The following UNC13C variants were observed in gnomAD, a reference collection of about 807,000 sequenced individuals.
UNC13C encodes the protein protein unc-13 homolog C.
Under a neutral mutation model 245.4 loss-of-function variants are expected in UNC13C, and 174 were observed. The observed-to-expected ratio is 0.71, with a 90% CI of 0.63 to 0.80. UNC13C has a LOEUF of 0.80. UNC13C is among the 30% of genes least tolerant of loss of function. UNC13C has a pLI of 0.00. For missense variants in UNC13C, 2,829 were observed against 2,602.9 expected (o/e 1.09, Z -1.89); for synonymous variants, 992 against 895.1 (o/e 1.11, Z -1.93).
At chr15:54,144,714 C>T (rs148002012) in intron 4 of UNC13C, among the ~76,000 whole-genome samples, 75 of 152,144 alleles carry the variant, frequency 4.9e-4, no homozygotes, top group African/African-American at 1.8e-3. Flanking sequence ...TGAAGTGATG[C>T]AAATATTTGA....
chr15:54,002,708 T>C (rs567355864), intron 1 of UNC13C, among the ~76,000 whole-genome samples: 1 of 152,328 alleles, frequency 6.6e-6, no homozygotes, highest in Admixed American at 6.5e-5. Flanking sequence ...ACTCACAGGA[T>C]TTACTTTCAG....
intron 10 of UNC13C, among the ~76,000 whole-genome samples, chr15:54,275,095 T>C (rs2036797914): frequency 6.6e-6 from 1 of 152,138 alleles, no homozygotes; most frequent in Non-Finnish European, 1.5e-5. Context: ...AATGATCACA[T>C]TGCATAAAAA....
chr15:54,147,511 G>A (rs959301976), intron 4 of UNC13C, among the ~76,000 whole-genome samples: 10 of 152,250 alleles, frequency 6.6e-5, no homozygotes, highest in East Asian at 1.9e-4. Flanking sequence ...GAGCCACTGC[G>A]CCCAGCCTGA....
chr15:54,069,149 C>T (rs1373875491), intron 2 of UNC13C, among the ~76,000 whole-genome samples: 1 of 152,108 alleles, frequency 6.6e-6, no homozygotes, highest in Non-Finnish European at 1.5e-5. Context: ...AGTCTTATTC[C>T]TCTCAATATG....
At chr15:54,431,822 C>G (rs2040879119) in intron 19 of UNC13C, among the ~76,000 whole-genome samples, 1 of 151,574 alleles carries the variant, frequency 6.6e-6, no homozygotes, top group South Asian at 2.1e-4. Context: ...ATCTACTGCA[C>G]AGATTCTTTC....
intron 24 of UNC13C, among the ~76,000 whole-genome samples, chr15:54,513,275 A>G (rs528994767): frequency 1.3e-5 from 2 of 152,356 alleles, no homozygotes; most frequent in Middle Eastern, 3.4e-3. Flanking sequence ...TCTCCTTCCT[A>G]TAAATTTTAA....
intron 2 of UNC13C, among the ~76,000 whole-genome samples, chr15:54,139,674 G>C (rs935526196): frequency 6.6e-6 from 1 of 151,856 alleles, no homozygotes; most frequent in African/African-American, 2.4e-5. Context: ...GTACTCTTTA[G>C]TTGTAGTTTT....
chr15:54,457,175 C>T (rs1373662771), intron 19 of UNC13C, among the ~76,000 whole-genome samples: 1 of 152,010 alleles, frequency 6.6e-6, no homozygotes, highest in East Asian at 1.9e-4. Context: ...TGTGGTGTAT[C>T]ACATTTACTG....
intron 19 of UNC13C, among the ~76,000 whole-genome samples, chr15:54,488,425 A>G (rs539511564): frequency 8.5e-4 from 130 of 152,334 alleles, no homozygotes; most frequent in African/African-American, 3.0e-3. Flanking sequence ...TAATGAAATT[A>G]TATGTTACAA....
chr15:54,311,454 G>A (rs369357962), intron 13 of UNC13C, among the ~76,000 whole-genome samples: 5 of 151,660 alleles, frequency 3.3e-5, no homozygotes, highest in African/African-American at 1.2e-4. Flanking sequence ...AAAACACTAT[G>A]GTAATGCTAA....
chr15:54,251,681 T>C (rs948422121), intron 8 of UNC13C, among the ~76,000 whole-genome samples: 8 of 152,262 alleles, frequency 5.3e-5, no homozygotes, highest in African/African-American at 1.9e-4. Context: ...AACATGATGT[T>C]CATTTGCAAA....
At chr15:54,236,583 T>A in intron 6 of UNC13C, 148 bp downstream of exon 6, 1 of 637,192 alleles carries the variant, frequency 1.6e-6, no homozygotes, top group Non-Finnish European at 2.6e-6. Context: ...GAATTTAACC[T>A]CTGGTTCAAT....
At chr15:54,447,073 G>T (rs1446004294) in intron 19 of UNC13C, among the ~76,000 whole-genome samples, 2 of 152,126 alleles carry the variant, frequency 1.3e-5, no homozygotes, top group Non-Finnish European at 1.5e-5. Context: ...CTTTTGTTCT[G>T]TTTATGTGCT....
intron 19 of UNC13C, among the ~76,000 whole-genome samples, chr15:54,467,650 G>C (rs1222668175): frequency 6.6e-6 from 1 of 151,560 alleles, no homozygotes; most frequent in Admixed American, 6.6e-5. Flanking sequence ...TCTCCCATCA[G>C]CCTCTGATAA....
chr15:54,310,791 TACAC>T (rs553472010), intron 13 of UNC13C, among the ~76,000 whole-genome samples: 1 of 150,926 alleles, frequency 6.6e-6, no homozygotes, highest in South Asian at 2.1e-4. Flanking sequence ...TATATGTACA[TACAC>T]ACACACACAT....
intron 13 of UNC13C, among the ~76,000 whole-genome samples, chr15:54,312,596 A>G (rs1212892528): frequency 6.6e-6 from 1 of 151,774 alleles, no homozygotes; most frequent in African/African-American, 2.4e-5. Context: ...GTAGCTTCAC[A>G]TCCCATTGCT....
chr15:54,230,994 C>A (rs957426949), intron 4 of UNC13C, among the ~76,000 whole-genome samples: 5 of 152,054 alleles, frequency 3.3e-5, no homozygotes, highest in Non-Finnish European at 7.4e-5. Context: ...GACTTTCCAA[C>A]TACTTCCATC....
At chr15:53,928,864 G>C in the UNC13C span, among the ~76,000 whole-genome samples, 2 of 152,186 alleles carry the variant, frequency 1.3e-5, no homozygotes, top group African/African-American at 4.8e-5. Flanking sequence ...CAAGAGAAGA[G>C]CATGTTCTTT....
chr15:54,081,727 T>A (rs1006043282), intron 2 of UNC13C, among the ~76,000 whole-genome samples: 3 of 152,110 alleles, frequency 2.0e-5, no homozygotes, highest in Non-Finnish European at 1.5e-5. Flanking sequence ...AGGTTGAGTA[T>A]TGTTTTTTAA....
Sources: gnomAD v4.1 joint callset for allele counts (sites outside exome capture counted in the v4.1 genomes callset) on GRCh38, gnomAD v4.1.1 for gene constraint, MANE v1.5 for transcripts, NCBI Gene and HGNC (gene_info 2026-07-23, HGNC 2026-07-21) for gene names.